Variants in DIPK1A observed in about 807,000 individuals in gnomAD.
DIPK1A encodes family with sequence similarity 69 member A.
Under a neutral mutation model 40.8 loss-of-function variants are expected in DIPK1A, and 27 were observed. That is an observed-to-expected ratio of 0.66 (90% confidence interval 0.49 to 0.91). The LOEUF is 0.91. Among genes scored for constraint, DIPK1A ranks in the 40% least tolerant of loss-of-function variants. The pLI, the probability that DIPK1A is intolerant of heterozygous loss-of-function variation, is 0.00. For synonymous variants in DIPK1A, 166 were observed against 171.3 expected (o/e 0.97, Z 0.24); for missense variants, 412 against 505.7 (o/e 0.81, Z 1.78).
rs558505848 is a variant in DIPK1A, at chr1:92,869,572, G to T, written c.189+6724C>A. ...CTTAAAACTTTAGCAAATAATATTT[G>T]TGGAACCTCTTTTGGATCTTCTGTG... On this transcript the variant is annotated intron_variant, in intron 2 of 4. Transcript: ENST00000370310. Among the ~76,000 whole-genome samples, 5 of 152,264 alleles carry T rather than the reference G, an allele frequency of 3.3e-5. No homozygotes were observed. In the South Asian group the frequency reaches 6.2e-4, roughly 19 times the overall value.
At chr1:92,881,207 A>G (rs545219406) in intron 1 of DIPK1A, among the ~76,000 whole-genome samples, 11 of 142,238 alleles carry the variant, frequency 7.7e-5, no homozygotes, top group African/African-American at 1.8e-4. Context: ...GGCTACTTCT[A>G]TTATCTATTT....
chr1:92,928,727 C>T (rs1368440697), intron 1 of DIPK1A, among the ~76,000 whole-genome samples: 1 of 152,098 alleles, frequency 6.6e-6, no homozygotes, highest in East Asian at 1.9e-4. Flanking sequence ...TTTGTAAGGC[C>T]AAGGTGGGCA....
chr1:92,927,073 GA>G (rs1422650261), intron 1 of DIPK1A, among the ~76,000 whole-genome samples: 2 of 151,272 alleles, frequency 1.3e-5, no homozygotes, highest in Non-Finnish European at 2.9e-5. Flanking sequence ...CTTTTGGGGT[GA>G]ACTGAAAAAA....
chr1:92,918,418 G>A (rs1256451263), intron 1 of DIPK1A, among the ~76,000 whole-genome samples: 2 of 152,128 alleles, frequency 1.3e-5, no homozygotes, highest in African/African-American at 2.4e-5. Context: ...CAAAATGCTG[G>A]GATTACAGGC....
chr1:92,935,209 T>A (rs6604031), intron 1 of DIPK1A, among the ~76,000 whole-genome samples: 4 of 152,084 alleles, frequency 2.6e-5, no homozygotes, highest in East Asian at 1.9e-4. Flanking sequence ...TGAGCAACAC[T>A]ACTGTCTAAA....
At chr1:92,866,173 C>G (rs1212863089) in intron 2 of DIPK1A, among the ~76,000 whole-genome samples, 1 of 152,200 alleles carries the variant, frequency 6.6e-6, no homozygotes, top group East Asian at 1.9e-4. Flanking sequence ...GTGATCTCAG[C>G]TCACTGCAGC....
Position 92,832,942 on chromosome 1 carries a change from A to G in DIPK1A, c.*78T>C, listed in dbSNP as rs556666585. ...TGAGGCTAGGTTTTCGAAGTGGGAC[A>G]TAGCGTGTTCCGAACAAACCGACGT... On this transcript the variant is annotated 3_prime_UTR_variant, in exon 5 of 5. Coordinates refer to the DIPK1A transcript ENST00000615519. 9.5e-5 allele frequency: 67 copies of G among 705,302 alleles called. 1 individual carries two copies. The highest frequency in any genetic ancestry group is 9.1e-4 in the South Asian group (61 of 66,820). 43.7% of individuals were successfully genotyped at this position (705,302 alleles called of 1,614,324 possible). A position where few individuals can be genotyped will look rare whatever the true frequency, so the allele number is the denominator to read the frequency against.
chr1:92,849,096 G>C (rs1369599828), intron 3 of DIPK1A, among the ~76,000 whole-genome samples: 2 of 151,986 alleles, frequency 1.3e-5, no homozygotes, highest in African/African-American at 4.8e-5. Flanking sequence ...CCATGCCTAT[G>C]AATTTTTTAT....
downstream of DIPK1A, chr1:92,841,636 G>T: frequency 1.8e-6 from 1 of 552,912 alleles, no homozygotes; most frequent in South Asian, 3.4e-5. Flanking sequence ...TTTGAACTTG[G>T]ATTATTTAAC....
At chr1:92,957,474 T>G (rs1651899877) in intron 1 of DIPK1A, among the ~76,000 whole-genome samples, 1 of 152,228 alleles carries the variant, frequency 6.6e-6, no homozygotes. Flanking sequence ...TTAGCTTGCT[T>G]GCTCTGGGCA....
At chr1:92,833,276 A>G in intron 4 of DIPK1A, 2 of 855,526 alleles carry the variant, frequency 2.3e-6, no homozygotes, top group Non-Finnish European at 3.9e-6. Flanking sequence ...TACAAGTGAC[A>G]GTTGTCTGTT....
intron 1 of DIPK1A, among the ~76,000 whole-genome samples, chr1:92,935,258 T>C (rs939753707): frequency 1.3e-5 from 2 of 151,912 alleles, no homozygotes; most frequent in Non-Finnish European, 2.9e-5. Flanking sequence ...TCTTAAACTC[T>C]TTTAATCTAA....
intron 2 of DIPK1A, among the ~76,000 whole-genome samples, chr1:92,859,408 C>A (rs919282405): frequency 6.6e-6 from 1 of 151,988 alleles, no homozygotes; most frequent in Admixed American, 6.6e-5. Flanking sequence ...TCTCTCTCCC[C>A]CCTGCCCGCA....
At chr1:92,871,786 G>T (rs911252982) in intron 2 of DIPK1A, among the ~76,000 whole-genome samples, 8 of 152,108 alleles carry the variant, frequency 5.3e-5, no homozygotes, top group African/African-American at 1.9e-4. Flanking sequence ...GTTGTAGCAT[G>T]TATCAGAATT....
At chr1:92,909,433 C>T (rs1376647143) in intron 1 of DIPK1A, among the ~76,000 whole-genome samples, 3 of 152,160 alleles carry the variant, frequency 2.0e-5, no homozygotes, top group East Asian at 1.9e-4. Context: ...GATGCCTCAC[C>T]ATCCCTGAGT....
At chr1:92,933,534 TAA>T (rs1471143133) in intron 1 of DIPK1A, 1 of 151,938 alleles carries the variant, frequency 6.6e-6, no homozygotes, top group African/African-American at 2.4e-5. Context: ...CCCTGTTTCT[TAA>T]AAAAAGGAAA....
chr1:92,932,125 G>A (rs1205810286), intron 1 of DIPK1A: 86 of 259,858 alleles, frequency 3.3e-4, no homozygotes, highest in Non-Finnish European at 1.9e-4. Context: ...CTACGAGCTC[G>A]CAAATATGTA....
intron 1 of DIPK1A, among the ~76,000 whole-genome samples, chr1:92,886,867 C>T (rs1248851675): frequency 1.3e-5 from 2 of 151,918 alleles, no homozygotes; most frequent in Admixed American, 6.6e-5. Flanking sequence ...CTCTAGTTGT[C>T]GATACATTAT....
chr1:92,870,073 TATACAC>T (rs368920940), intron 2 of DIPK1A, among the ~76,000 whole-genome samples: 18,209 of 143,556 alleles, frequency 0.13, 1,122 homozygotes, highest in Non-Finnish European at 0.14. Flanking sequence ...ATGAATTATA[TATACAC>T]ACACACACAC....
Sources: allele counts gnomAD v4.1 joint callset (sites outside exome capture counted in the v4.1 genomes callset), GRCh38; gene constraint gnomAD v4.1.1; transcripts MANE v1.5; gene names NCBI Gene and HGNC (gene_info 2026-07-23, HGNC 2026-07-21).